Variants in CACNB2 observed in about 807,000 individuals in gnomAD.
The protein encoded by CACNB2 is calcium voltage-gated channel auxiliary subunit beta 2, also known as voltage-dependent L-type calcium channel subunit beta-2.
Under a neutral mutation model 73.3 loss-of-function variants are expected in CACNB2, and 42 were observed. The observed-to-expected ratio is 0.57, with a 90% CI of 0.45 to 0.74. The LOEUF (loss-of-function observed/expected upper bound fraction) is 0.74, where lower values mean the gene tolerates loss of function less well. Among genes scored for constraint, CACNB2 ranks in the 30% least tolerant of loss-of-function variants. The pLI is 0.00. For missense variants in CACNB2, 940 were observed against 853.0 expected (o/e 1.10, Z -1.27); for synonymous variants, 348 against 310.3 (o/e 1.12, Z -1.28).
intron 2 of CACNB2, among the ~76,000 whole-genome samples, chr10:18,215,595 C>T (rs78230290): frequency 0.06 from 9,200 of 152,232 alleles, 320 homozygotes; most frequent in East Asian, 0.16. Flanking sequence ...AATGAAAACT[C>T]GCCAAACTCT....
chr10:18,461,764 C>CTTTTTTTTTTTTTTTTTTTT (rs35385599), intron 3 of CACNB2, among the ~76,000 whole-genome samples: 1 of 68,020 alleles, frequency 1.5e-5, no homozygotes, highest in Admixed American at 2.3e-4. Flanking sequence ...TTCGATAAAG[C>CTTTTTTTTTTTTTTTTTTTT]TTTTTTTTTT....
Position 18,495,488 on chromosome 10 carries a change from C to T in CACNB2, c.334-2867C>T, listed in dbSNP as rs1038283869. ...CCCACCTTGGCCTCCCAAAGTGCTG[C>T]GATTACTGGCATGAGCCATCACGCC... On this transcript the variant is annotated intron_variant, in intron 3 of 13. Coordinates refer to ENST00000324631, the MANE Select transcript of CACNB2 (RefSeq NM_201596.3). 6.0e-5 allele frequency among the ~76,000 whole-genome samples: 9 copies of T among 150,978 alleles called. No individual in the cohort carries two copies. The East Asian group carries it at 7.8e-4, about 13-fold the overall frequency.
At chr10:18,230,447 T>C (rs1401793844) in intron 2 of CACNB2, among the ~76,000 whole-genome samples, 2 of 152,090 alleles carry the variant, frequency 1.3e-5, no homozygotes, top group Non-Finnish European at 2.9e-5. Flanking sequence ...TAGACCATGG[T>C]ATGATTGGAA....
At chr10:18,257,979 G>A (rs983496227) in intron 2 of CACNB2, among the ~76,000 whole-genome samples, 1 of 152,126 alleles carries the variant, frequency 6.6e-6, no homozygotes, top group Non-Finnish European at 1.5e-5. Flanking sequence ...TCTGACCTCA[G>A]GTGATCTGCC....
At chr10:18,242,561 T>C in intron 2 of CACNB2, among the ~76,000 whole-genome samples, 1 of 152,172 alleles carries the variant, frequency 6.6e-6, no homozygotes. Context: ...GAAGCAAATA[T>C]ATAAATGAAG....
intron 3 of CACNB2, among the ~76,000 whole-genome samples, chr10:18,416,770 T>C (rs2044993795): frequency 6.6e-6 from 1 of 152,174 alleles, no homozygotes. Context: ...CGGCTCAGTG[T>C]TTAACTTCCC....
intron 2 of CACNB2, among the ~76,000 whole-genome samples, chr10:18,151,805 C>T (rs2031581246): frequency 1.3e-5 from 2 of 152,192 alleles, no homozygotes; most frequent in South Asian, 4.2e-4. Flanking sequence ...AGTGTCTGAT[C>T]AGTACTCTCA....
At chr10:18,302,793 T>C (rs2039578315) in intron 2 of CACNB2, among the ~76,000 whole-genome samples, 1 of 151,998 alleles carries the variant, frequency 6.6e-6, no homozygotes, top group Non-Finnish European at 1.5e-5. Context: ...ATCTCACACA[T>C]CACCACTAAA....
chr10:18,491,530 G>A (rs559116307), intron 3 of CACNB2, among the ~76,000 whole-genome samples: 3 of 152,324 alleles, frequency 2.0e-5, no homozygotes, highest in African/African-American at 4.8e-5. Context: ...TGAGGCTACA[G>A]TGAGCCATGA....
chr10:18,484,870 C>T (rs563379306), intron 3 of CACNB2, among the ~76,000 whole-genome samples: 1 of 152,232 alleles, frequency 6.6e-6, no homozygotes, highest in Non-Finnish European at 1.5e-5. Flanking sequence ...AAAACAAAAT[C>T]CTGGCTGGGC....
Position 18,517,179 on chromosome 10 carries a change from G to C in CACNB2, c.805-1157G>C, listed in dbSNP as rs188631530. Among the ~76,000 whole-genome samples, 673 of 152,170 alleles carry C rather than the reference G, an allele frequency of 4.4e-3. 5 individuals carry two copies. The highest frequency in any genetic ancestry group is 8.1e-3 in the Admixed American group (124 of 15,272). Reference sequence around the variant, plus strand: ...ATCATTTACAGAACATTTTTCTGTTGGTGTGTGTGATTCTCAAGTTATATT... The same window carrying C: ...ATCATTTACAGAACATTTTTCTGTTCGTGTGTGTGATTCTCAAGTTATATT... On this transcript the variant is annotated intron_variant, in intron 7 of 13. Transcript: ENST00000324631.
At position 18,247,466 on chromosome 10, in the gene CACNB2, C is replaced by G. The variant is rs535158509; in HGVS notation, c.213+96491C>G. On this transcript the variant is annotated intron_variant, in intron 2 of 13. Coordinates refer to ENST00000324631, the MANE Select transcript of CACNB2 (RefSeq NM_201596.3). ...ATGTGTTAGTTTTCTTTAGAGTTGCCCAGTAGGGGGTATGAAGTGCCGGCT... is the reference window on the plus strand; with the variant it reads ...ATGTGTTAGTTTTCTTTAGAGTTGCGCAGTAGGGGGTATGAAGTGCCGGCT... Among the ~76,000 whole-genome samples, 19 of 152,020 alleles carry G rather than the reference C, an allele frequency of 1.2e-4. No homozygotes were observed. The South Asian group carries it at 3.1e-3, about 25-fold the overall frequency.
intron 2 of CACNB2, among the ~76,000 whole-genome samples, chr10:18,319,413 C>A (rs1167659372): frequency 6.6e-6 from 1 of 151,842 alleles, no homozygotes; most frequent in Admixed American, 6.6e-5. Flanking sequence ...CACATGGACA[C>A]AGGGAGGGGA....
chr10:18,372,346 G>T (rs946347972), intron 2 of CACNB2, among the ~76,000 whole-genome samples: 3 of 152,166 alleles, frequency 2.0e-5, no homozygotes, highest in East Asian at 1.9e-4. Context: ...GGTCTAACAT[G>T]TAAGTTTTTA....
intron 2 of CACNB2, among the ~76,000 whole-genome samples, chr10:18,202,528 T>C (rs1421055528): frequency 5.9e-5 from 9 of 152,182 alleles, no homozygotes; most frequent in Admixed American, 2.6e-4. Context: ...TTTAAAAACT[T>C]CACATTCTCA....
At chr10:18,288,704 C>CACACACACACAGAG (rs746197406) in intron 2 of CACNB2, among the ~76,000 whole-genome samples, 77 of 151,362 alleles carry the variant, frequency 5.1e-4, no homozygotes, top group Middle Eastern at 6.8e-3. Context: ...CACACACACA[C>CACACACACACAGAG]AGAGATACCC....
At chr10:18,165,299 A>C (rs1166809000) in intron 2 of CACNB2, among the ~76,000 whole-genome samples, 1 of 152,212 alleles carries the variant, frequency 6.6e-6, no homozygotes, top group Non-Finnish European at 1.5e-5. Flanking sequence ...GATGAGTTCC[A>C]TCTGCTGCGG....
At chr10:18,524,654 TAAAA>T (rs35663592) in intron 9 of CACNB2, among the ~76,000 whole-genome samples, 18 of 116,896 alleles carry the variant, frequency 1.5e-4, no homozygotes, top group African/African-American at 5.0e-4. Context: ...GACTCTATCT[TAAAA>T]AAAAAAAAAA....
chr10:18,401,236 A>T (rs1460591456), intron 2 of CACNB2: 1 of 1,050,712 alleles, frequency 9.5e-7, no homozygotes, highest in Admixed American at 2.1e-5. Context: ...AGCTAGGGAG[A>T]TTCCTCTCAT....
Sources: gnomAD v4.1 joint callset for allele counts (sites outside exome capture counted in the v4.1 genomes callset) on GRCh38, gnomAD v4.1.1 for gene constraint, MANE v1.5 for transcripts, NCBI Gene and HGNC (gene_info 2026-07-23, HGNC 2026-07-21) for gene names.